The following ZC3H12D variants were observed in gnomAD, a reference collection of about 807,000 sequenced individuals.
The protein encoded by ZC3H12D is probable ribonuclease ZC3H12D.
A neutral mutation model predicts 24.2 loss-of-function variants in ZC3H12D; 11 were observed. The ratio of observed to expected loss-of-function variants is 0.46; its 90% CI spans 0.29 to 0.75. ZC3H12D has a LOEUF of 0.75. Ranked by LOEUF, ZC3H12D falls within the 30% of genes least tolerant of loss-of-function variation. ZC3H12D has a pLI of 0.11. For synonymous variants in ZC3H12D, 333 were observed against 341.8 expected (o/e 0.97, Z 0.28); for missense variants, 740 against 767.7 (o/e 0.96, Z 0.43).
chr6:149,456,638 A>T lies in ZC3H12D; in HGVS notation c.680+28T>A. ...CCGGCCCCCCGCCCCGCCGCCCCCC[A>T]GGGTGTCAGGACCCCAGCCGGACCT... On this transcript the variant is annotated intron_variant, in intron 4 of 5. Transcript: ENST00000409806. This position sits in a 1 kb window ranked among gnomAD's most constrained non-coding sequence, Gnocchi z 4.3. The T allele has an allele frequency of 1.5e-6, 1 of 679,900 alleles. No homozygotes were observed. The highest frequency in any genetic ancestry group is 2.5e-6 in the Non-Finnish European group (1 of 398,596). The allele number at this position is 679,900 out of a possible 1,614,324, so 42.1% of individuals were successfully genotyped here.
Position 149,450,240 on chromosome 6 carries a change from A to C in ZC3H12D, c.*443T>G. 6.1e-6 allele frequency: 1 copy of C among 164,370 alleles called. No homozygotes were observed. The highest frequency in any genetic ancestry group is 1.3e-5 in the Non-Finnish European group (1 of 76,710). 10.2% of individuals were successfully genotyped at this position (164,370 alleles called of 1,614,324 possible). ...TTTTAAACTTCTGACTACGACCCAC[A>C]TTGAGGTTAGTTACATGGCTGCCAA... On this transcript the variant is annotated 3_prime_UTR_variant, in exon 6 of 6. Coordinates refer to ENST00000409806, the MANE Select transcript of ZC3H12D (RefSeq NM_207360.3).
At chr6:149,472,574 G>A (rs1284891502) in intron 2 of ZC3H12D, among the ~76,000 whole-genome samples, 2 of 151,950 alleles carry the variant, frequency 1.3e-5, no homozygotes, top group Non-Finnish European at 2.9e-5. Context: ...ATCAATGGAT[G>A]TACCCACGAC....
At chr6:149,467,792 C>T (rs1375777498) in intron 2 of ZC3H12D, among the ~76,000 whole-genome samples, 1 of 152,168 alleles carries the variant, frequency 6.6e-6, no homozygotes, top group East Asian at 1.9e-4. Flanking sequence ...TTGATTCCCC[C>T]CAACTCCATC....
At chr6:149,458,444 T>G (rs1366221638) in intron 3 of ZC3H12D, among the ~76,000 whole-genome samples, 1 of 152,140 alleles carries the variant, frequency 6.6e-6, no homozygotes, top group African/African-American at 2.4e-5. Flanking sequence ...TGAGGATCAT[T>G]TTCAGTGTGG....
chr6:149,481,397 G>A (rs1250472412), intron 1 of ZC3H12D, among the ~76,000 whole-genome samples: 1 of 150,374 alleles, frequency 6.7e-6, no homozygotes, highest in African/African-American at 2.4e-5. Context: ...TTTTTAGAGG[G>A]AGAGTTTTGC....
At chr6:149,465,174 T>C (rs1472406054) in intron 2 of ZC3H12D, among the ~76,000 whole-genome samples, 1 of 151,668 alleles carries the variant, frequency 6.6e-6, no homozygotes, top group African/African-American at 2.4e-5. Flanking sequence ...ACCAACATGG[T>C]GAAACCGCAT....
intron 1 of ZC3H12D, among the ~76,000 whole-genome samples, chr6:149,479,206 T>TA (rs34547314): frequency 6.6e-6 from 1 of 152,008 alleles, no homozygotes; most frequent in Non-Finnish European, 1.5e-5. Context: ...CAAAAAATGT[T>TA]AAAAATTATC....
At chr6:149,479,832 C>T (rs1776397300) in intron 1 of ZC3H12D, among the ~76,000 whole-genome samples, 1 of 152,108 alleles carries the variant, frequency 6.6e-6, no homozygotes, top group Non-Finnish European at 1.5e-5. Flanking sequence ...GCCACCATGC[C>T]CTAATAGATT....
chr6:149,458,781 A>G (rs1357908551), intron 3 of ZC3H12D, among the ~76,000 whole-genome samples: 1 of 152,176 alleles, frequency 6.6e-6, no homozygotes, highest in Non-Finnish European at 1.5e-5. Context: ...ATGTTTGCCA[A>G]TCTGGTGGGC....
intron 2 of ZC3H12D, 87 bp from the exon 3 acceptor site, chr6:149,462,057 A>C: frequency 1.1e-5 from 16 of 1,469,958 alleles, no homozygotes; most frequent in Non-Finnish European, 1.4e-5. Context: ...TCACAGTCTC[A>C]TAATCAAGAG....
rs1302170306 is a variant in ZC3H12D, at chr6:149,450,746, G to A, written c.1521C>T (p.Leu507=). The change falls in exon 6 of 6, where the codon CTC becomes CTT. Residue 507 remains leucine (L), a synonymous_variant. Coordinates refer to ENST00000409806, the MANE Select transcript of ZC3H12D (RefSeq NM_207360.3). ...VMAAFPELSD[L]ARLILLVQRC... ...TCTGTACCAGGAGGATGAGCCTGGC[G>A]AGGTCTGAGAGCTCCGGGAACGCGG... is the stretch of plus-strand genomic sequence containing the variant. The A allele has an allele frequency of 1.3e-6, 2 of 1,548,932 alleles. No homozygotes were observed. The highest frequency in any genetic ancestry group is 8.7e-7 in the Non-Finnish European group (1 of 1,146,486).
At chr6:149,457,998 C>G (rs1776011073) in intron 3 of ZC3H12D, among the ~76,000 whole-genome samples, 1 of 152,110 alleles carries the variant, frequency 6.6e-6, no homozygotes. Flanking sequence ...CGATCCTCTC[C>G]ATTCCCCTTA....
chr6:149,466,612 T>C (rs542329052), intron 2 of ZC3H12D, among the ~76,000 whole-genome samples: 1 of 152,298 alleles, frequency 6.6e-6, no homozygotes, highest in East Asian at 1.9e-4. Context: ...GTGCTGTGGC[T>C]CACGCCTGTA....
In ZC3H12D at chr6:149,447,980, A is replaced by C. The variant is rs1775814843; in HGVS notation, c.*2703T>G. 6.6e-6 allele frequency: 1 copy of C among 152,236 alleles called. No individual in the cohort carries two copies. The highest frequency in any genetic ancestry group is 2.4e-5 in the African/African-American group (1 of 41,462). 9.4% of individuals were successfully genotyped at this position (152,236 alleles called of 1,614,324 possible). A position where few individuals can be genotyped will look rare whatever the true frequency, so the allele number is the denominator to read the frequency against. On this transcript the variant is annotated 3_prime_UTR_variant, in exon 6 of 6. Transcript: ENST00000409806. ...GCTCTAATAGAAAGCGTGTCTTGTC[A>C]AAAGGTTAAAAATAAAAATAAAGGC...
At position 149,450,863 on chromosome 6, in the gene ZC3H12D, G is replaced by A. The variant is rs1022148946; in HGVS notation, c.1404C>T (p.Tyr468=). 2 of 1,543,026 alleles carry A rather than the reference G, an allele frequency of 1.3e-6. No homozygotes were observed. Among genetic ancestry groups the A allele is most frequent in the Non-Finnish European group, 8.7e-7 (1 of 1,146,644 alleles). Residue 468 remains tyrosine (Y), a synonymous_variant, in exon 6 of 6, where the codon TAC becomes TAT. Coordinates refer to ENST00000409806, the MANE Select transcript of ZC3H12D (RefSeq NM_207360.3). The stretch of plus-strand genomic sequence containing the variant: ...CGTCCCCCTCGTCGTCCTCGGTCGC[G>A]TACACTGAAAGTCCCCCAGTGGCGC... ...GDGATGGLSV[Y]ATEDDEGDAR... is the part of the protein sequence containing the mutation.
In ZC3H12D at chr6:149,461,570, T is replaced by G. The variant is rs1253326519; in HGVS notation, c.445+261A>C. On this transcript the variant is annotated intron_variant, in intron 3 of 5. Coordinates refer to ENST00000409806, the MANE Select transcript of ZC3H12D (RefSeq NM_207360.3). ...AACTTAACACACCAAAAGAGTAGTT[T>G]GTTCATTCATCTACTCAACAACTGC... The G allele has an allele frequency of 3.4e-5, 9 of 264,046 alleles. No homozygotes were observed. The South Asian group carries it at 7.9e-4, about 23-fold the overall frequency. The allele number at this position is 264,046 out of a possible 1,614,324, so 16.4% of individuals were successfully genotyped here. A position where few individuals can be genotyped will look rare whatever the true frequency, so the allele number is the denominator to read the frequency against.
rs1775818673 is a variant in ZC3H12D, at chr6:149,448,171, C to T, written c.*2512G>A. 6.6e-6 allele frequency: 1 copy of T among 152,246 alleles called. No individual in the cohort carries two copies. Among genetic ancestry groups the T allele is most frequent in the Admixed American group, 6.5e-5 (1 of 15,276 alleles). The allele number at this position is 152,246 out of a possible 1,614,324, so 9.4% of individuals were successfully genotyped here. A position where few individuals can be genotyped will look rare whatever the true frequency, so the allele number is the denominator to read the frequency against. On this transcript the variant is annotated 3_prime_UTR_variant, in exon 6 of 6. Coordinates refer to ENST00000409806, the MANE Select transcript of ZC3H12D (RefSeq NM_207360.3). ...AGATGTGGTGGCGGGCGCCTGTAGT[C>T]CCAGCTACTTGGGAGGCTGAGGCAG...
In ZC3H12D at chr6:149,459,525, G is replaced by T. The variant is rs1411427838; in HGVS notation, c.445+2306C>A. The T allele has an allele frequency of 4.2e-6, 3 of 712,718 alleles. No individual in the cohort carries two copies. The African/African-American group carries it at 5.2e-5, about 12-fold the overall frequency. The allele number at this position is 712,718 out of a possible 1,614,324, so 44.1% of individuals were successfully genotyped here. A position where few individuals can be genotyped will look rare whatever the true frequency, so the allele number is the denominator to read the frequency against. ...AATATGCGCAGAAGGCTGGAGTGGAGGTGGGAGCCATTGCCCTGCAGTCTT... is the reference window on the plus strand; with the variant it reads ...AATATGCGCAGAAGGCTGGAGTGGATGTGGGAGCCATTGCCCTGCAGTCTT... On this transcript the variant is annotated intron_variant, in intron 3 of 5. Coordinates refer to ENST00000409806, the MANE Select transcript of ZC3H12D (RefSeq NM_207360.3).
At position 149,448,198 on chromosome 6, in the gene ZC3H12D, A is replaced by G. The variant is rs1775818982; in HGVS notation, c.*2485T>C. ...CAGCTACTTGGGAGGCTGAGGCAGG[A>G]GAATGGCATGAACCTGGGAGGCAGT... On this transcript the variant is annotated 3_prime_UTR_variant, in exon 6 of 6. Coordinates refer to ENST00000409806, the MANE Select transcript of ZC3H12D (RefSeq NM_207360.3). The G allele has an allele frequency of 6.6e-6, 1 of 152,294 alleles. No homozygotes were observed. The highest frequency in any genetic ancestry group is 6.5e-5 in the Admixed American group (1 of 15,280). 9.4% of individuals were successfully genotyped at this position (152,294 alleles called of 1,614,324 possible).
Sources: allele counts gnomAD v4.1 joint callset (sites outside exome capture counted in the v4.1 genomes callset), GRCh38; gene constraint gnomAD v4.1.1; non-coding constraint Gnocchi (gnomAD v3.1); transcripts MANE v1.5; gene names NCBI Gene and HGNC (gene_info 2026-07-23, HGNC 2026-07-21).